The following GPC5 variants were observed in gnomAD, a reference collection of about 807,000 sequenced individuals.
The protein encoded by GPC5 is glypican-5.
Under a neutral mutation model 53.9 loss-of-function variants are expected in GPC5, and 47 were observed. The observed-to-expected ratio is 0.87, with a 90% CI of 0.69 to 1.11. The LOEUF is 1.11. Ranked by LOEUF, GPC5 falls within the 50% of genes most tolerant of loss-of-function variation. GPC5 has a pLI of 0.00. For missense variants in GPC5, 748 were observed against 713.1 expected, an observed-to-expected ratio of 1.05 and a Z score of -0.56; for synonymous variants, 286 against 263.3, an observed-to-expected ratio of 1.09 and a Z score of -0.84.
chr13:92,588,734 A>C (rs1883623134), intron 7 of GPC5, among the ~76,000 whole-genome samples: 1 of 152,164 alleles, frequency 6.6e-6, no homozygotes, highest in Non-Finnish European at 1.5e-5. Flanking sequence ...TTATTGCACC[A>C]CTATCTACAA....
intron 5 of GPC5, among the ~76,000 whole-genome samples, chr13:91,903,487 C>T (rs1304571879): frequency 5.3e-5 from 8 of 152,060 alleles, no homozygotes; most frequent in Non-Finnish European, 1.5e-5. Context: ...GGAGAGAGTT[C>T]CAGTTGCTCC....
chr13:91,851,048 T>C (rs1462740980), intron 5 of GPC5, among the ~76,000 whole-genome samples: 1 of 152,098 alleles, frequency 6.6e-6, no homozygotes, highest in Non-Finnish European at 1.5e-5. Context: ...ATAAAGAATA[T>C]GGAAGGCACT....
chr13:92,474,156 T>C (rs1318063593), intron 7 of GPC5, among the ~76,000 whole-genome samples: 6 of 152,164 alleles, frequency 3.9e-5, no homozygotes, highest in Admixed American at 6.6e-5. Flanking sequence ...TGTTTTTTTT[T>C]TTTTCCCACA....
chr13:92,301,886 A>C (rs1025732032), intron 7 of GPC5, among the ~76,000 whole-genome samples: 1 of 152,126 alleles, frequency 6.6e-6, no homozygotes, highest in Non-Finnish European at 1.5e-5. Context: ...CAACAGAGCA[A>C]GACTGTCTCA....
At chr13:92,670,643 A>G (rs1886714140) in intron 7 of GPC5, among the ~76,000 whole-genome samples, 2 of 152,170 alleles carry the variant, frequency 1.3e-5, no homozygotes, top group African/African-American at 2.4e-5. Context: ...GTTACTAAGA[A>G]GAGTAGATAG....
chr13:91,650,890 T>G (rs1395085946), intron 2 of GPC5, among the ~76,000 whole-genome samples: 1 of 151,992 alleles, frequency 6.6e-6, no homozygotes, highest in African/African-American at 2.4e-5. Context: ...AGTTGGTGCC[T>G]TCTATCCAGC....
chr13:92,750,875 T>C (rs1234192216), intron 7 of GPC5, among the ~76,000 whole-genome samples: 1 of 152,158 alleles, frequency 6.6e-6, no homozygotes, highest in African/African-American at 2.4e-5. Context: ...GATATGTATG[T>C]TTTCTGGCCT....
At chr13:92,151,050 G>A (rs189393987) in intron 7 of GPC5, among the ~76,000 whole-genome samples, 1 of 152,060 alleles carries the variant, frequency 6.6e-6, no homozygotes, top group East Asian at 1.9e-4. Context: ...CTATTGAAAT[G>A]GCGATATTCT....
In GPC5 at chr13:91,521,913, G is replaced by T. The variant is rs373848061; in HGVS notation, c.325+72991G>T. Among the ~76,000 whole-genome samples the T allele has an allele frequency of 6.1e-4, 93 of 152,286 alleles. 1 individual carries two copies. In the South Asian group the frequency reaches 0.019, roughly 31 times the overall value. ...GGTTCCCATGCCACTGCCCTACTTG[G>T]GTTCGATTAATTTGCTAGAGCAGCT... On this transcript the variant is annotated intron_variant, in intron 2 of 7. Transcript: ENST00000377067.
intron 7 of GPC5, among the ~76,000 whole-genome samples, chr13:92,285,923 C>CAAA (rs139576817): frequency 2.0e-5 from 3 of 150,344 alleles, no homozygotes; most frequent in Non-Finnish European, 4.4e-5. Context: ...TTCTGCACAG[C>CAAA]AAAAAAAAAC....
At chr13:92,434,576 T>C (rs971852392) in intron 7 of GPC5, among the ~76,000 whole-genome samples, 1 of 152,202 alleles carries the variant, frequency 6.6e-6, no homozygotes, top group African/African-American at 2.4e-5. Flanking sequence ...CATCTCGTGA[T>C]ATCAGGAAAT....
intron 2 of GPC5, among the ~76,000 whole-genome samples, chr13:91,644,049 C>T (rs2034500018): frequency 6.6e-6 from 1 of 151,518 alleles, no homozygotes; most frequent in African/African-American, 2.4e-5. Context: ...TACACTTCAA[C>T]CCATGACATA....
intron 2 of GPC5, among the ~76,000 whole-genome samples, chr13:91,552,600 G>T (rs552918739): frequency 2.0e-5 from 3 of 152,068 alleles, no homozygotes; most frequent in African/African-American, 4.8e-5. Context: ...GGGATGGGCC[G>T]AATTAAAGGA....
intron 7 of GPC5, among the ~76,000 whole-genome samples, chr13:92,523,532 A>G (rs1397277534): frequency 6.6e-6 from 1 of 152,102 alleles, no homozygotes; most frequent in Non-Finnish European, 1.5e-5. Flanking sequence ...TCTGATCTCC[A>G]TCTTTCAAAT....
intron 2 of GPC5, among the ~76,000 whole-genome samples, chr13:91,657,163 G>A (rs908139369): frequency 5.3e-5 from 8 of 152,192 alleles, no homozygotes; most frequent in African/African-American, 1.9e-4. Flanking sequence ...GAAGATGGCT[G>A]AAAGAGTGAG....
chr13:91,476,119 T>G (rs551174208), intron 2 of GPC5, among the ~76,000 whole-genome samples: 1 of 152,326 alleles, frequency 6.6e-6, no homozygotes, highest in South Asian at 2.1e-4. Context: ...TAATTATTTG[T>G]TGTGAGGGAC....
At chr13:92,257,545 G>GGTTTTTTTTTTTTTTTTTTTT (rs1566507028) in intron 7 of GPC5, among the ~76,000 whole-genome samples, 1 of 50,054 alleles carries the variant, frequency 2.0e-5, no homozygotes, top group Non-Finnish European at 3.8e-5. Flanking sequence ...CTAATACAGG[G>GGTTTTTTTTTTTTTTTTTTTT]ATTTTTTTTT....
intron 5 of GPC5, among the ~76,000 whole-genome samples, chr13:91,816,640 G>A (rs1315191032): frequency 6.6e-6 from 1 of 152,144 alleles, no homozygotes; most frequent in Non-Finnish European, 1.5e-5. Context: ...ATCCGGTGCA[G>A]CAGAGCTTAG....
chr13:92,573,717 C>A (rs1178586440), intron 7 of GPC5, among the ~76,000 whole-genome samples: 3 of 152,068 alleles, frequency 2.0e-5, no homozygotes, highest in Non-Finnish European at 4.4e-5. Flanking sequence ...ATAGCTCCTA[C>A]CATGTGGCTA....
Sources: gnomAD v4.1 joint callset for allele counts (sites outside exome capture counted in the v4.1 genomes callset) on GRCh38, gnomAD v4.1.1 for gene constraint, MANE v1.5 for transcripts, NCBI Gene and HGNC (gene_info 2026-07-23, HGNC 2026-07-21) for gene names.